Variants in G2E3 observed in about 807,000 individuals in gnomAD.
The protein encoded by G2E3 is G2/M-phase specific E3 ubiquitin protein ligase.
G2E3 carries 35 observed loss-of-function variants against 92.8 expected under a neutral mutation model. That is an observed-to-expected ratio of 0.38 (90% CI 0.29 to 0.50). The LOEUF (loss-of-function observed/expected upper bound fraction) is 0.50, where lower values mean the gene tolerates loss of function less well. Ranked by LOEUF, G2E3 falls within the 20% of genes least tolerant of loss-of-function variation. The probability of loss-of-function intolerance (pLI) is 0.94; values close to 1 mark genes in which losing one functional copy is unlikely to be tolerated. For synonymous variants in G2E3, 242 were observed against 272.4 expected (o/e 0.89, Z 1.10); for missense variants, 554 against 823.8 (o/e 0.67, Z 4.01).
intron 1 of G2E3, among the ~76,000 whole-genome samples, chr14:30,561,035 G>C (rs1457062896): frequency 2.6e-5 from 4 of 152,158 alleles, no homozygotes; most frequent in Admixed American, 6.5e-5. Flanking sequence ...CGTATGATGA[G>C]GTTACCTACT....
intron 1 of G2E3, among the ~76,000 whole-genome samples, chr14:30,569,997 G>T (rs921883711): frequency 2.0e-5 from 3 of 152,170 alleles, no homozygotes; most frequent in Non-Finnish European, 4.4e-5. Flanking sequence ...CACTGCATGT[G>T]TGTGAAATAT....
intron 4 of G2E3, among the ~76,000 whole-genome samples, chr14:30,590,253 A>T (rs1171372069): frequency 6.6e-6 from 1 of 152,160 alleles, no homozygotes; most frequent in African/African-American, 2.4e-5. Context: ...AGGGGAAATG[A>T]AGGACACTGA....
chr14:30,614,198 ATTC>A (rs1882213437), intron 13 of G2E3, among the ~76,000 whole-genome samples: 1 of 152,138 alleles, frequency 6.6e-6, no homozygotes, highest in Non-Finnish European at 1.5e-5. Context: ...TTTGTGGTTT[ATTC>A]TTTTATTATT....
intron 5 of G2E3, among the ~76,000 whole-genome samples, chr14:30,592,814 C>T (rs1053885962): frequency 2.0e-5 from 3 of 152,066 alleles, no homozygotes; most frequent in African/African-American, 4.8e-5. Flanking sequence ...GTATGCATTT[C>T]GAGTAAATCA....
rs745437632 is a variant in G2E3, at chr14:30,615,408, C to T, written c.1733C>T (p.Ala578Val). Residue 578 changes from alanine to valine, a missense_variant, in exon 14 of 15, where the codon GCA (alanine) becomes GTA (valine). Transcript: ENST00000206595. ...VLEKIQAYPE[A>V]FCSILCHKPE... is the part of the protein sequence containing the mutation. Reference sequence around the variant, plus strand: ...GAGAAAATTCAGGCTTATCCAGAAGCATTTTGTAGCATCCTGTGTCATAAA... The same window carrying T: ...GAGAAAATTCAGGCTTATCCAGAAGTATTTTGTAGCATCCTGTGTCATAAA... The T allele has an allele frequency of 1.4e-5, 23 of 1,609,182 alleles. No homozygotes were observed. The East Asian group carries it at 4.2e-4, about 30-fold the overall frequency.
Position 30,608,014 on chromosome 14 carries a change from C to G in G2E3, c.1445C>G (p.Thr482Ser), listed in dbSNP as rs945665328. The G allele has an allele frequency of 6.2e-7, 1 of 1,602,232 alleles. No homozygotes were observed. The part of the protein sequence containing the change: ...FNCLVYGPEN[T>S]QPILDDVSDF... ...TGCCTTGTTTATGGACCAGAAAATA[C>G]CCAGCCAATTTTAGATGATGTTTCA... is the stretch of plus-strand genomic sequence containing the variant. Residue 482 changes from threonine (T) to serine (S), a missense_variant, in exon 12 of 15, where the codon ACC becomes AGC. Thr to Ser is a moderately conservative substitution (Grantham distance 58). Around this residue, in one of 3 missense-constraint regions of G2E3, gnomAD observed 397 missense variants for 560.3 expected, o/e 0.71. Coordinates refer to ENST00000206595, the MANE Select transcript of G2E3 (RefSeq NM_017769.5).
At position 30,565,011 on chromosome 14, in the gene G2E3, G is replaced by T. The variant is rs568201658; in HGVS notation, c.-5+5739G>T. The stretch of plus-strand genomic sequence containing the variant: ...GTTACATAGCTAGTGGAATTGCTGG[G>T]TGATATGGTAGTCTTGTTTAATGTG... On this transcript the variant is annotated intron_variant, in intron 1 of 14. Transcript: ENST00000206595. Among the ~76,000 whole-genome samples, 12 of 152,308 alleles carry T rather than the reference G, an allele frequency of 7.9e-5. No homozygotes were observed. The East Asian group carries it at 2.3e-3, about 29-fold the overall frequency.
At chr14:30,585,743 G>T (rs1403134834) in intron 2 of G2E3, among the ~76,000 whole-genome samples, 2 of 151,038 alleles carry the variant, frequency 1.3e-5, no homozygotes, top group African/African-American at 4.9e-5. Flanking sequence ...CTAGCTTTGG[G>T]TTTAGTTTCT....
In G2E3 at chr14:30,560,796, G is replaced by A. The variant is rs572601775; in HGVS notation, c.-5+1524G>A. The stretch of plus-strand genomic sequence containing the variant: ...ACTTCAGATCTCAGATTCTGAATCA[G>A]TAGGTCTGGAGGATGGCATTGAACA... On this transcript the variant is annotated intron_variant, in intron 1 of 14. Transcript: ENST00000206595. 3 of 702,124 alleles carry A rather than the reference G, an allele frequency of 4.3e-6. No individual in the cohort carries two copies. The South Asian group carries it at 4.4e-5, about 10-fold the overall frequency. The allele number at this position is 702,124 out of a possible 1,614,324, so 43.5% of individuals were successfully genotyped here.
intron 1 of G2E3, among the ~76,000 whole-genome samples, chr14:30,570,463 A>G (rs1233788158): frequency 1.3e-5 from 2 of 152,196 alleles, no homozygotes; most frequent in East Asian, 3.9e-4. Context: ...TTGGACTCCT[A>G]TTAAGCATAT....
At chr14:30,569,744 G>C (rs1200755463) in intron 1 of G2E3, among the ~76,000 whole-genome samples, 1 of 152,064 alleles carries the variant, frequency 6.6e-6, no homozygotes, top group Non-Finnish European at 1.5e-5. Context: ...CTGGTGAAGG[G>C]GGGGGATTAT....
intron 4 of G2E3, among the ~76,000 whole-genome samples, chr14:30,589,994 T>G (rs770840784): frequency 1.3e-5 from 2 of 152,154 alleles, no homozygotes; most frequent in Non-Finnish European, 2.9e-5. Flanking sequence ...TCAGTACCCT[T>G]TTCTATTCTC....
At chr14:30,615,568 C>T (rs550796735) in intron 14 of G2E3, 29 bp downstream of exon 14, 24 of 1,346,910 alleles carry the variant, frequency 1.8e-5, no homozygotes, top group Middle Eastern at 1.9e-4. Context: ...TTACTTTTAA[C>T]GATCTCAGAA....
At chr14:30,564,180 T>C (rs1248987043) in intron 1 of G2E3, among the ~76,000 whole-genome samples, 1 of 152,308 alleles carries the variant, frequency 6.6e-6, no homozygotes, top group African/African-American at 2.4e-5. Context: ...TATACCACAG[T>C]TTGTTTTATC....
chr14:30,597,356 C>T, intron 6 of G2E3, 64 bp from the exon 7 acceptor site: 3 of 825,040 alleles, frequency 3.6e-6, no homozygotes, highest in Non-Finnish European at 6.3e-6. Flanking sequence ...TGTTCTGTTA[C>T]ATAATATATC....
chr14:30,579,837 T>G (rs190371561), intron 1 of G2E3, among the ~76,000 whole-genome samples: 2 of 152,340 alleles, frequency 1.3e-5, no homozygotes, highest in Non-Finnish European at 2.9e-5. Context: ...TATTATGTTT[T>G]ATTCTTTTCC....
At chr14:30,576,202 A>G (rs1198433326) in intron 1 of G2E3, among the ~76,000 whole-genome samples, 1 of 152,236 alleles carries the variant, frequency 6.6e-6, no homozygotes, top group Non-Finnish European at 1.5e-5. Context: ...TACAGAGCCC[A>G]GAAATGAGGC....
At chr14:30,577,152 G>A (rs545196238) in intron 1 of G2E3, among the ~76,000 whole-genome samples, 20 of 150,618 alleles carry the variant, frequency 1.3e-4, no homozygotes, top group Non-Finnish European at 2.8e-4. Flanking sequence ...TTGAACCCAG[G>A]AGGCGGAGGT....
intron 11 of G2E3, among the ~76,000 whole-genome samples, chr14:30,607,646 T>C (rs1010116428): frequency 4.6e-5 from 7 of 152,144 alleles, no homozygotes; most frequent in African/African-American, 1.7e-4. Flanking sequence ...GTGTTCACAG[T>C]GGTTATTATG....
Sources: allele counts gnomAD v4.1 joint callset (sites outside exome capture counted in the v4.1 genomes callset), GRCh38; gene constraint gnomAD v4.1.1; regional missense constraint gnomAD v4.1.1; transcripts MANE v1.5; gene names NCBI Gene and HGNC (gene_info 2026-07-23, HGNC 2026-07-21).